The following NMT1 variants were observed in gnomAD, a reference collection of about 807,000 sequenced individuals.
NMT1 encodes glycylpeptide N-tetradecanoyltransferase 1.
A neutral mutation model predicts 63.4 loss-of-function variants in NMT1; 12 were observed. That is an observed-to-expected ratio of 0.19 (90% CI 0.12 to 0.31). The LOEUF is 0.31. Among genes scored for constraint, NMT1 ranks in the 10% least tolerant of loss-of-function variants. The probability of loss-of-function intolerance (pLI) is 1.00; values close to 1 mark genes in which losing one functional copy is unlikely to be tolerated. For synonymous variants in NMT1, 228 were observed against 234.3 expected (o/e 0.97, Z 0.25); for missense variants, 432 against 634.6 (o/e 0.68, Z 3.43).
chr17:45,080,886 C>T, intron 1 of NMT1, among the ~76,000 whole-genome samples: 1 of 152,160 alleles, frequency 6.6e-6, no homozygotes, highest in Non-Finnish European at 1.5e-5. Context: ...CCTGCCTCGT[C>T]CTCCTGAGTA....
chr17:45,089,246 G>A (rs2054073203), intron 3 of NMT1, among the ~76,000 whole-genome samples: 1 of 152,156 alleles, frequency 6.6e-6, no homozygotes, highest in African/African-American at 2.4e-5. Context: ...TAAATCTCGT[G>A]CATATCAGCT....
At chr17:45,070,660 G>A (rs1349631187) in intron 1 of NMT1, among the ~76,000 whole-genome samples, 5 of 150,724 alleles carry the variant, frequency 3.3e-5, no homozygotes, top group South Asian at 2.1e-4. Context: ...CTCATGATCC[G>A]CCCACCTCGG....
chr17:45,088,916 G>A (rs988823235), intron 3 of NMT1, among the ~76,000 whole-genome samples: 3 of 152,166 alleles, frequency 2.0e-5, no homozygotes, highest in African/African-American at 4.8e-5. Flanking sequence ...TTGCTCATAC[G>A]GGCCCTGACA....
chr17:45,080,321 C>T (rs1436907518), intron 1 of NMT1, among the ~76,000 whole-genome samples: 11 of 151,702 alleles, frequency 7.3e-5, no homozygotes, highest in Non-Finnish European at 1.0e-4. Flanking sequence ...CCACCATGCC[C>T]GGCTTATTTT....
chr17:45,104,205 G>A lies in NMT1; in HGVS notation c.1332+329G>A. The A allele has an allele frequency of 8.0e-7, 1 of 1,246,130 alleles. No homozygotes were observed. The highest frequency in any genetic ancestry group is 1.0e-6 in the Non-Finnish European group (1 of 979,620). The allele number at this position is 1,246,130 out of a possible 1,614,324, so 77.2% of individuals were successfully genotyped here. A position where few individuals can be genotyped will look rare whatever the true frequency, so the allele number is the denominator to read the frequency against. ...CACAGCTTTCCCAGCGTGGGAAAGG[G>A]GTGATTGCTGTCTGTCGTGGTGAGT... On this transcript the variant is annotated intron_variant, in intron 10 of 11. Coordinates refer to ENST00000258960, the MANE Select transcript of NMT1 (RefSeq NM_021079.5). This position sits in a 1 kb window ranked among gnomAD's most constrained non-coding sequence, Gnocchi z 4.2.
intron 1 of NMT1, among the ~76,000 whole-genome samples, chr17:45,070,755 TTGGC>T (rs2053934868): frequency 6.6e-6 from 1 of 152,170 alleles, no homozygotes; most frequent in Admixed American, 6.5e-5. Context: ...TTTTGCTATG[TTGGC>T]CAGGCTTGTC....
chr17:45,081,522 C>T, intron 1 of NMT1, 122 bp from the exon 2 acceptor site: 1 of 847,588 alleles, frequency 1.2e-6, no homozygotes, highest in South Asian at 1.7e-5. Context: ...GGTTCTTCAG[C>T]CTGCTTCTGA....
intron 6 of NMT1, among the ~76,000 whole-genome samples, chr17:45,097,905 G>C (rs2054136743): frequency 6.6e-6 from 1 of 152,204 alleles, no homozygotes; most frequent in African/African-American, 2.4e-5. Context: ...CCCAGATTCA[G>C]ATAGTCCTTG....
chr17:45,071,946 G>T (rs982290973), intron 1 of NMT1, among the ~76,000 whole-genome samples: 2 of 152,136 alleles, frequency 1.3e-5, no homozygotes, highest in Non-Finnish European at 2.9e-5. Context: ...TAAGGAGAGA[G>T]AAGACAATGA....
chr17:45,082,629 A>G (rs906276245), intron 2 of NMT1, among the ~76,000 whole-genome samples: 1 of 152,246 alleles, frequency 6.6e-6, no homozygotes, highest in African/African-American at 2.4e-5. Flanking sequence ...CAACATTACA[A>G]AATAAAACAA....
chr17:45,105,518 G>T lies in NMT1; in HGVS notation c.1471-101G>T. 7.6e-7 allele frequency: 1 copy of T among 1,324,096 alleles called. No individual in the cohort carries two copies. The highest frequency in any genetic ancestry group is 1.1e-6 in the Non-Finnish European group (1 of 921,764). 82.0% of individuals were successfully genotyped at this position (1,324,096 alleles called of 1,614,324 possible). On this transcript the variant is annotated intron_variant, in intron 11 of 11. Coordinates refer to ENST00000258960, the MANE Select transcript of NMT1 (RefSeq NM_021079.5). This position sits in a 1 kb window ranked among gnomAD's most constrained non-coding sequence, Gnocchi z 4.2. ...AGTCTGCTCCCACAGCACAGGCGGT[G>T]GACCCGGGCCCAGCCACTCGGAACT...
In NMT1 at chr17:45,085,166, T is replaced by C. The variant is rs1051870126; in HGVS notation, c.241-1342T>C. Among the ~76,000 whole-genome samples, 7 of 151,864 alleles carry C rather than the reference T, an allele frequency of 4.6e-5. No individual in the cohort carries two copies. The East Asian group carries it at 9.7e-4, about 21-fold the overall frequency. On this transcript the variant is annotated intron_variant, in intron 2 of 11. Transcript: ENST00000258960. Reference sequence around the variant, plus strand: ...TACTCAAGAGGCTGAAGTGGGAGAATCCCTTCAGCCCATGAGGTTGAAGCC... The same window carrying C: ...TACTCAAGAGGCTGAAGTGGGAGAACCCCTTCAGCCCATGAGGTTGAAGCC...
intron 3 of NMT1, among the ~76,000 whole-genome samples, chr17:45,087,732 T>C (rs1032588347): frequency 1.3e-5 from 2 of 152,306 alleles, no homozygotes; most frequent in African/African-American, 4.8e-5. Flanking sequence ...TCCACATTAC[T>C]GCTCCCCTCC....
At chr17:45,081,602 A>AT (rs754661249) in intron 1 of NMT1, 42 bp from the exon 2 acceptor site, 10 of 1,553,510 alleles carry the variant, frequency 6.4e-6, no homozygotes, top group African/African-American at 2.7e-5. Context: ...CACAAAACAG[A>AT]TTTTTTTTAA....
intron 6 of NMT1, among the ~76,000 whole-genome samples, chr17:45,097,745 A>G (rs2054135583): frequency 6.6e-6 from 1 of 152,082 alleles, no homozygotes; most frequent in African/African-American, 2.4e-5. Context: ...CCAGGGTTCA[A>G]ACGATTCTCC....
At chr17:45,064,701 T>C (rs1475538193) in intron 1 of NMT1, among the ~76,000 whole-genome samples, 3 of 152,134 alleles carry the variant, frequency 2.0e-5, no homozygotes, top group Admixed American at 6.6e-5. Flanking sequence ...CAGGCGCCTG[T>C]AATCCTAGCT....
intron 1 of NMT1, among the ~76,000 whole-genome samples, chr17:45,077,028 AAAT>A (rs1304651364): frequency 6.6e-6 from 1 of 152,190 alleles, no homozygotes; most frequent in Non-Finnish European, 1.5e-5. Context: ...TATCTCCGCT[AAAT>A]AGGAAGAACA....
chr17:45,084,897 G>T (rs1030479760), intron 2 of NMT1, among the ~76,000 whole-genome samples: 2 of 152,114 alleles, frequency 1.3e-5, no homozygotes, highest in African/African-American at 4.8e-5. Context: ...TTTTGACCCA[G>T]CAGGCCTCTT....
chr17:45,101,772 C>G (rs2054168261), intron 8 of NMT1, among the ~76,000 whole-genome samples: 1 of 152,148 alleles, frequency 6.6e-6, no homozygotes, highest in African/African-American at 2.4e-5. Flanking sequence ...CAGGATTGAT[C>G]ACTCTGAAAT....
Sources: gnomAD v4.1 joint callset for allele counts (sites outside exome capture counted in the v4.1 genomes callset) on GRCh38, gnomAD v4.1.1 for gene constraint, Gnocchi (gnomAD v3.1) non-coding constraint, MANE v1.5 for transcripts, NCBI Gene and HGNC (gene_info 2026-07-23, HGNC 2026-07-21) for gene names.